The following TNFRSF11B variants were observed in gnomAD, a reference collection of about 807,000 sequenced individuals.
TNFRSF11B encodes the protein tumor necrosis factor receptor superfamily member 11B.
In TNFRSF11B, 16 loss-of-function variants were observed where a neutral mutation model predicts 43.4. The ratio of observed to expected loss-of-function variants is 0.37; its 90% CI spans 0.25 to 0.56. The LOEUF is 0.56. Ranked by LOEUF, TNFRSF11B falls within the 20% of genes least tolerant of loss-of-function variation. The pLI is 0.80. For synonymous variants in TNFRSF11B, 185 were observed against 181.8 expected (o/e 1.02, Z -0.14); for missense variants, 444 against 490.1 (o/e 0.91, Z 0.89).
At chr8:118,942,239 C>A (rs528161476) in intron 1 of TNFRSF11B, among the ~76,000 whole-genome samples, 1 of 17,008 alleles carries the variant, frequency 5.9e-5, no homozygotes, top group East Asian at 4.6e-3. Flanking sequence ...CCATGACAGG[C>A]CCCCCCGTGT....
chr8:118,932,289 T>G (rs1812341310), intron 2 of TNFRSF11B, among the ~76,000 whole-genome samples: 1 of 152,246 alleles, frequency 6.6e-6, no homozygotes, highest in Middle Eastern at 3.4e-3. Context: ...AGAAAGCACT[T>G]GGTTTATAGG....
chr8:118,950,250 C>A (rs1319595997), intron 1 of TNFRSF11B, among the ~76,000 whole-genome samples: 7 of 152,126 alleles, frequency 4.6e-5, no homozygotes, highest in African/African-American at 1.4e-4. Context: ...ATATTAACGG[C>A]AGCATTATTT....
At position 118,928,832 on chromosome 8, in the gene TNFRSF11B, G is replaced by A. The variant is rs771233882; in HGVS notation, c.498C>T (p.Cys166=). The A allele has an allele frequency of 6.2e-6, 10 of 1,614,174 alleles. No individual in the cohort carries two copies. The East Asian group carries it at 2.2e-4, about 36-fold the overall frequency. ...SKAPCRKHTN[C]SVFGLLLTQK... is the part of the protein sequence containing the mutation. ...GAGTTAGCAGGAGACCAAAGACACT[G>A]CAATTTGTGTGTTTTCTACAGGGTG... is the stretch of plus-strand genomic sequence containing the variant. The change falls in exon 3 of 5, where the codon TGC becomes TGT. Residue 166 remains cysteine, a synonymous_variant. Transcript: ENST00000297350.
rs1812219501 is a variant in TNFRSF11B at position 118,924,308 on chromosome 8, A to G, written c.*66T>C. Reference sequence around the variant, plus strand: ...TATCACTGAAAGCCTCAAGTGCCTGAGAAACAGTTTACTCATCCATGGGAT... The same window carrying G: ...TATCACTGAAAGCCTCAAGTGCCTGGGAAACAGTTTACTCATCCATGGGAT... On this transcript the variant is annotated 3_prime_UTR_variant, in exon 5 of 5. Coordinates refer to ENST00000297350, the MANE Select transcript of TNFRSF11B (RefSeq NM_002546.4). 1.3e-6 allele frequency: 2 copies of G among 1,584,808 alleles called. No homozygotes were observed. The highest frequency in any genetic ancestry group is 1.7e-5 in the Admixed American group (1 of 60,008).
In TNFRSF11B at chr8:118,924,727, T is replaced by C. The variant is rs373848556; in HGVS notation, c.853A>G (p.Ile285Val). 1.8e-4 allele frequency: 286 copies of C among 1,614,090 alleles called. 1 individual carries two copies. The highest frequency in any genetic ancestry group is 2.0e-4 in the Non-Finnish European group (231 of 1,180,034). ...DLCENSVQRH[I>V]GHANLTFEQL... ...TCGAAGGTGAGGTTAGCATGTCCAA[T>C]GTGCCGCTGCACGCTGTTTTCACAG... The change falls in exon 5 of 5, where the codon ATT becomes GTT. Residue 285 changes from isoleucine (I) to valine (V), a missense_variant. Physicochemically the swap from Ile to Val is conservative, Grantham distance 29 (BLOSUM62 3). Transcript: ENST00000297350.
intron 1 of TNFRSF11B, among the ~76,000 whole-genome samples, chr8:118,943,901 G>A (rs1182219147): frequency 1.3e-5 from 2 of 152,078 alleles, no homozygotes; most frequent in Admixed American, 1.3e-4. Flanking sequence ...TTCCCACTCT[G>A]CAGCCCAGCT....
In TNFRSF11B at chr8:118,951,028, T is replaced by C. The variant is rs11573810; in HGVS notation, c.30+764A>G. Among the ~76,000 whole-genome samples, 1,069 of 152,312 alleles carry C rather than the reference T, an allele frequency of 7.0e-3. 10 individuals carry two copies. Among genetic ancestry groups the C allele is most frequent in the African/African-American group, 0.023 (972 of 41,570 alleles). ...TAGAAAAACCTACATGCAAATCTTA[T>C]TAACTTGATCAAAACCTAAGCTTAA... On this transcript the variant is annotated intron_variant, in intron 1 of 4. Transcript: ENST00000297350.
intron 1 of TNFRSF11B, among the ~76,000 whole-genome samples, chr8:118,950,703 T>C (rs146667282): frequency 6.0e-4 from 92 of 152,278 alleles, no homozygotes; most frequent in African/African-American, 2.0e-3. Flanking sequence ...CACACACACA[T>C]ACATACATAT....
chr8:118,924,438 T>C lies in TNFRSF11B; in HGVS notation c.1142A>G (p.Tyr381Cys). 2 of 1,614,126 alleles carry C rather than the reference T, an allele frequency of 1.2e-6. No individual in the cohort carries two copies. The highest frequency in any genetic ancestry group is 1.7e-6 in the Non-Finnish European group (2 of 1,179,938). The change falls in exon 5 of 5, where the codon TAT (tyrosine) becomes TGT (cysteine). Residue 381 changes from tyrosine (Y) to cysteine (C), a missense_variant. By Grantham distance (194) the Tyr-to-Cys change is radical. Transcript: ENST00000297350. ...FLHSFTMYKL[Y>C]QKLFLEMIGN... The stretch of plus-strand genomic sequence containing the variant: ...TATCATTTCTAAAAATAACTTCTGA[T>C]ACAATTTGTACATTGTGAAGCTGTG...
rs544652637 is a variant in TNFRSF11B, at chr8:118,923,929, T to G, written c.*445A>C. On this transcript the variant is annotated 3_prime_UTR_variant, in exon 5 of 5. Coordinates refer to ENST00000297350, the MANE Select transcript of TNFRSF11B (RefSeq NM_002546.4). ...GATGATAATATGTACAAATCTTATA[T>G]CTGAATGAATATAAATAGCAATACT... The G allele has an allele frequency of 6.4e-6, 1 of 156,596 alleles. No individual in the cohort carries two copies. Among genetic ancestry groups the G allele is most frequent in the East Asian group, 1.8e-4 (1 of 5,424 alleles). 9.7% of individuals were successfully genotyped at this position (156,596 alleles called of 1,614,324 possible).
chr8:118,945,513 G>C (rs1812549055), intron 1 of TNFRSF11B, among the ~76,000 whole-genome samples: 1 of 152,084 alleles, frequency 6.6e-6, no homozygotes, highest in South Asian at 2.1e-4. Context: ...AAGACAAGAA[G>C]AATGTGTCTC....
chr8:118,938,858 G>A (rs1196881853), intron 1 of TNFRSF11B, among the ~76,000 whole-genome samples: 1 of 152,224 alleles, frequency 6.6e-6, no homozygotes, highest in Non-Finnish European at 1.5e-5. Flanking sequence ...ATTATGCAAT[G>A]CAGCCAATCC....
chr8:118,924,636 G>GT lies in TNFRSF11B; in HGVS notation c.943dup (p.Thr315AsnfsTer9), dbSNP rs1355570570. The GT allele has an allele frequency of 2.5e-6, 4 of 1,614,090 alleles. No individual in the cohort carries two copies. Among genetic ancestry groups the GT allele is most frequent in the Non-Finnish European group, 3.4e-6 (4 of 1,180,014 alleles). ...GTCACTGGGTTTGCATGCCTTTATTGTTTTTTCAATGTCTTCTGCTCCCAC... is the reference window on the plus strand; with the variant it reads ...GTCACTGGGTTTGCATGCCTTTATTGTTTTTTTCAATGTCTTCTGCTCCCAC... On this transcript the variant is annotated frameshift_variant, in exon 5 of 5. Coordinates refer to ENST00000297350, the MANE Select transcript of TNFRSF11B (RefSeq NM_002546.4). LOFTEE classifies it high-confidence loss of function.
chr8:118,938,575 A>G (rs1483951309), intron 1 of TNFRSF11B, among the ~76,000 whole-genome samples: 2 of 152,132 alleles, frequency 1.3e-5, no homozygotes, highest in Non-Finnish European at 1.5e-5. Flanking sequence ...CCCTTCACGC[A>G]TTGTCCAAAA....
At chr8:118,946,956 C>T (rs980752488) in intron 1 of TNFRSF11B, among the ~76,000 whole-genome samples, 3 of 152,162 alleles carry the variant, frequency 2.0e-5, no homozygotes, top group Non-Finnish European at 4.4e-5. Flanking sequence ...GTATTCTCTA[C>T]TCAGTAGATA....
At position 118,951,859 on chromosome 8, in the gene TNFRSF11B, GC is replaced by G. The variant is rs752022160; in HGVS notation, c.-39del. The G allele has an allele frequency of 8.3e-6, 13 of 1,563,570 alleles. No homozygotes were observed. Among genetic ancestry groups the G allele is most frequent in the Non-Finnish European group, 1.0e-5 (12 of 1,152,438 alleles). ...AAACCTCAGGGGCTTGGAGGCGGCG[GC>G]TGGGCGAGCGCTCCGGTGCGTCTCC... On this transcript the variant is annotated 5_prime_UTR_variant, in exon 1 of 5. Transcript: ENST00000297350.
intron 1 of TNFRSF11B, among the ~76,000 whole-genome samples, chr8:118,944,525 G>A (rs1812531244): frequency 6.6e-6 from 1 of 152,074 alleles, no homozygotes; most frequent in East Asian, 1.9e-4. Flanking sequence ...GGGAACAACT[G>A]GCAAAGAGCA....
intron 1 of TNFRSF11B, among the ~76,000 whole-genome samples, chr8:118,947,349 C>T (rs1156488959): frequency 2.0e-5 from 3 of 152,088 alleles, no homozygotes; most frequent in Non-Finnish European, 4.4e-5. Flanking sequence ...TCCTTTAACT[C>T]AGGAAACACA....
At chr8:118,935,127 T>C (rs1812384069) in intron 1 of TNFRSF11B, among the ~76,000 whole-genome samples, 1 of 152,162 alleles carries the variant, frequency 6.6e-6, no homozygotes, top group South Asian at 2.1e-4. Context: ...TCAGAGCTGC[T>C]TCAGTGGTCT....
Sources: gnomAD v4.1 joint callset for allele counts (sites outside exome capture counted in the v4.1 genomes callset) on GRCh38, gnomAD v4.1.1 for gene constraint, MANE v1.5 for transcripts, NCBI Gene and HGNC (gene_info 2026-07-23, HGNC 2026-07-21) for gene names.